ARHGEF10: variants seen among roughly 807,000 people sequenced by gnomAD.
The protein encoded by ARHGEF10 is Rho guanine nucleotide exchange factor 10, also known as Rho guanine nucleotide exchange factor (GEF) 10.
ARHGEF10 carries 140 observed loss-of-function variants against 147.4 expected under a neutral mutation model. That is an observed-to-expected ratio of 0.95 (90% confidence interval 0.83 to 1.09). ARHGEF10 has a LOEUF of 1.09. ARHGEF10 is among the 50% of genes least tolerant of loss of function. The pLI is 0.00. For synonymous variants in ARHGEF10, 902 were observed against 695.8 expected (o/e 1.30, Z -4.67); for missense variants, 2,222 against 1,752.7 (o/e 1.27, Z -4.78).
At chr8:1,842,252 T>G (rs969271715) in intron 1 of ARHGEF10, among the ~76,000 whole-genome samples, 1 of 151,914 alleles carries the variant, frequency 6.6e-6, no homozygotes, top group Non-Finnish European at 1.5e-5. Flanking sequence ...GTGCCGCATC[T>G]GAGGTTGGGG....
intron 2 of ARHGEF10, among the ~76,000 whole-genome samples, chr8:1,851,719 C>T (rs1585266572): frequency 6.6e-6 from 1 of 152,082 alleles, no homozygotes; most frequent in South Asian, 2.1e-4. Flanking sequence ...TTGAGACCAG[C>T]CTGGGCAACA....
At chr8:1,830,565 G>T (rs73672971) in intron 1 of ARHGEF10, among the ~76,000 whole-genome samples, 31,532 of 152,216 alleles carry the variant, frequency 0.21, 3,562 homozygotes, top group Middle Eastern at 0.34. Context: ...ATCTGGAAAT[G>T]ACCTATTAAG....
intron 2 of ARHGEF10, among the ~76,000 whole-genome samples, chr8:1,855,788 C>G (rs1348098521): frequency 6.6e-6 from 1 of 152,062 alleles, no homozygotes; most frequent in Non-Finnish European, 1.5e-5. Context: ...TCTCCCCAAA[C>G]GTGAATTCTG....
At chr8:1,889,801 C>T (rs1585414112) in intron 11 of ARHGEF10, among the ~76,000 whole-genome samples, 1 of 125,380 alleles carries the variant, frequency 8.0e-6, no homozygotes, top group Admixed American at 7.7e-5. Context: ...TGTGAGCAGA[C>T]ACTTCATGGG....
intron 11 of ARHGEF10, among the ~76,000 whole-genome samples, chr8:1,886,779 G>A (rs1208691664): frequency 3.3e-5 from 5 of 152,160 alleles, no homozygotes; most frequent in African/African-American, 1.2e-4. Flanking sequence ...GCCTGGACTC[G>A]GAGGAGGCTG....
At chr8:1,942,840 C>T (rs1206343655) in intron 26 of ARHGEF10, among the ~76,000 whole-genome samples, 3 of 149,172 alleles carry the variant, frequency 2.0e-5, no homozygotes, top group South Asian at 2.1e-4. Flanking sequence ...CACAAAAGGC[C>T]GAACATTGTA....
intron 13 of ARHGEF10, among the ~76,000 whole-genome samples, chr8:1,895,655 G>C (rs11986275): frequency 6.6e-6 from 1 of 151,980 alleles, no homozygotes; most frequent in African/African-American, 2.4e-5. Context: ...AATGCAAACA[G>C]ATTTTTTAAA....
rs1808337370 is a variant in ARHGEF10 at position 1,882,871 on chromosome 8, G to C, written c.1075+122G>C. On this transcript the variant is annotated intron_variant, in intron 10 of 28. Transcript: ENST00000349830. The stretch of plus-strand genomic sequence containing the variant: ...GCTCCCACAGCCTTAGGGAGCACCA[G>C]CCTGCTCAGTGCTTGGGTCTGAATC... 4 of 872,078 alleles carry C rather than the reference G, an allele frequency of 4.6e-6. No individual in the cohort carries two copies. In the Admixed American group the frequency reaches 6.0e-5, roughly 13 times the overall value. 54.0% of individuals were successfully genotyped at this position (872,078 alleles called of 1,614,324 possible).
intron 18 of ARHGEF10, among the ~76,000 whole-genome samples, chr8:1,913,070 C>G (rs60889003): frequency 0.013 from 1,966 of 151,978 alleles, 54 homozygotes; most frequent in African/African-American, 0.045. Flanking sequence ...AACCTCAATT[C>G]ATTTTCAACA....
intron 1 of ARHGEF10, among the ~76,000 whole-genome samples, chr8:1,841,880 TGGGGCCGCGGCGG>T: frequency 1.0e-5 from 1 of 100,198 alleles, no homozygotes; most frequent in Admixed American, 1.1e-4. Context: ...CGGCGGGAAC[TGGGGCCGCGGCGG>T]GAACTGGGGC....
intron 1 of ARHGEF10, among the ~76,000 whole-genome samples, chr8:1,840,479 C>T (rs1168822514): frequency 8.6e-6 from 1 of 115,652 alleles, no homozygotes; most frequent in East Asian, 2.9e-4. Context: ...GGGTACTGTC[C>T]TGTGTGGAAG....
At position 1,928,547 on chromosome 8, in the gene ARHGEF10, G is replaced by A. The variant is rs367592773; in HGVS notation, c.2818G>A (p.Val940Ile). The change falls in exon 24 of 29, where the codon GTC becomes ATC. Residue 940 changes from valine (V) to isoleucine (I), a missense_variant. Transcript: ENST00000349830. ...SRILCMLYVPVEEKRREPGAP... is the reference protein window; with the variant it reads ...SRILCMLYVPIEEKRREPGAP... ...CATCCTGTGCATGCTGTACGTTCCC[G>A]TCGAGGAGAAGCGCAGAGAGCCTGG... 1.4e-5 allele frequency: 23 copies of A among 1,614,076 alleles called. No homozygotes were observed. The highest frequency in any genetic ancestry group is 6.7e-5 in the East Asian group (3 of 44,896).
chr8:1,876,517 C>T (rs1011686308), intron 7 of ARHGEF10, 54 bp from the exon 8 acceptor site: 10 of 1,562,290 alleles, frequency 6.4e-6, no homozygotes, highest in African/African-American at 5.4e-5. Context: ...AGGCACAAAA[C>T]AGCCCACATG....
At chr8:1,825,487 C>T (rs1412209503) in intron 1 of ARHGEF10, among the ~76,000 whole-genome samples, 11 of 145,592 alleles carry the variant, frequency 7.6e-5, no homozygotes, top group African/African-American at 2.3e-4. Context: ...GTCCCTCGCA[C>T]CCCAGCTGTC....
At chr8:1,835,471 G>T (rs1391273835) in intron 1 of ARHGEF10, among the ~76,000 whole-genome samples, 5 of 152,230 alleles carry the variant, frequency 3.3e-5, no homozygotes, top group African/African-American at 1.2e-4. Context: ...CGCCCCTGCA[G>T]CTGTTTCCCA....
At chr8:1,898,270 A>T (rs1162924460) in intron 14 of ARHGEF10, among the ~76,000 whole-genome samples, 163 bp from the exon 15 acceptor site, 3 of 152,208 alleles carry the variant, frequency 2.0e-5, no homozygotes, top group Non-Finnish European at 4.4e-5. Flanking sequence ...CAGGTGCAGA[A>T]AGTGGCTGGA....
chr8:1,902,186 G>A lies in ARHGEF10; in HGVS notation c.1651-1095G>A, dbSNP rs544669204. Among the ~76,000 whole-genome samples the A allele has an allele frequency of 8.0e-4, 122 of 151,798 alleles. 2 individuals are homozygous for A. The highest frequency in any genetic ancestry group is 5.4e-3 in the Admixed American group (83 of 15,238). On this transcript the variant is annotated intron_variant, in intron 15 of 28. Coordinates refer to ENST00000349830, the MANE Select transcript of ARHGEF10 (RefSeq NM_014629.4). ...CGCAACAGGCCCCGGTGTGTGATGC[G>A]CCCCTCCCTGTGTCCATGTGATCTC... is the stretch of plus-strand genomic sequence containing the variant.
intron 16 of ARHGEF10, 71 bp from the exon 17 acceptor site, chr8:1,905,500 G>A: frequency 6.3e-7 from 1 of 1,597,674 alleles, no homozygotes; most frequent in Non-Finnish European, 8.6e-7. Context: ...CTCCATACCA[G>A]ACTTCTCCTC....
chr8:1,882,827 G>T, intron 10 of ARHGEF10, 78 bp downstream of exon 10: 2 of 727,934 alleles, frequency 2.7e-6, no homozygotes, highest in South Asian at 1.5e-5. Context: ...AGGACTCGGG[G>T]TGGGGGGCGG....
Sources: gnomAD v4.1 joint callset for allele counts (sites outside exome capture counted in the v4.1 genomes callset) on GRCh38, gnomAD v4.1.1 for gene constraint, MANE v1.5 for transcripts, NCBI Gene and HGNC (gene_info 2026-07-23, HGNC 2026-07-21) for gene names.